The following RPS6KA2 variants were observed in gnomAD, a reference collection of about 807,000 sequenced individuals.
RPS6KA2 encodes the protein ribosomal protein S6 kinase A2, also known as ribosomal protein S6 kinase alpha-2.
RPS6KA2 carries 42 observed loss-of-function variants against 91.8 expected under a neutral mutation model. The observed-to-expected ratio is 0.46, with a 90% confidence interval of 0.36 to 0.59. RPS6KA2 has a LOEUF of 0.59. RPS6KA2 is among the 20% of genes least tolerant of loss of function. The probability of loss-of-function intolerance (pLI) is 0.00; values close to 1 mark genes in which losing one functional copy is unlikely to be tolerated. For synonymous variants in RPS6KA2, 414 were observed against 393.6 expected (o/e 1.05, Z -0.61); for missense variants, 798 against 978.5 (o/e 0.82, Z 2.46).
intron 8 of RPS6KA2, among the ~76,000 whole-genome samples, chr6:166,491,641 T>C (rs1379874239): frequency 6.6e-6 from 1 of 152,240 alleles, no homozygotes; most frequent in Admixed American, 6.5e-5. Flanking sequence ...GAATTCTCTC[T>C]CATCTTTATT....
chr6:166,723,500 G>C (rs1790243044), intron 2 of RPS6KA2, among the ~76,000 whole-genome samples: 1 of 152,190 alleles, frequency 6.6e-6, no homozygotes, highest in Admixed American at 6.5e-5. Context: ...GGGACCCCCA[G>C]TAGTACCAGG....
intron 2 of RPS6KA2, among the ~76,000 whole-genome samples, chr6:166,791,926 A>T (rs1779100551): frequency 6.6e-6 from 1 of 152,102 alleles, no homozygotes; most frequent in Non-Finnish European, 1.5e-5. Context: ...AAGATCTAAA[A>T]TTGACACCCT....
chr6:166,602,982 G>A (rs534854741), intron 1 of RPS6KA2, among the ~76,000 whole-genome samples: 1 of 152,254 alleles, frequency 6.6e-6, no homozygotes. Context: ...AATCTGGAGA[G>A]AGAGAGAGGT....
chr6:166,508,020 T>A lies in RPS6KA2; in HGVS notation c.459+183A>T, dbSNP rs1438472172. Among the ~76,000 whole-genome samples the A allele has an allele frequency of 2.4e-5, 3 of 126,494 alleles. No homozygotes were observed. The highest frequency in any genetic ancestry group is 2.5e-4 in the East Asian group (1 of 4,014). 83.0% of individuals were successfully genotyped at this position (126,494 alleles called of 152,430 possible). A position where few individuals can be genotyped will look rare whatever the true frequency, so the allele number is the denominator to read the frequency against. ...ACACATCATGCACACTTGCACACAC[T>A]CACACATGTACACCTCTCCCACACA... is the stretch of plus-strand genomic sequence containing the variant. On this transcript the variant is annotated intron_variant, in intron 5 of 20. Coordinates refer to ENST00000265678, the MANE Select transcript of RPS6KA2 (RefSeq NM_021135.6). This position sits in a 1 kb window ranked among gnomAD's most constrained non-coding sequence, Gnocchi z 4.3.
intron 2 of RPS6KA2, among the ~76,000 whole-genome samples, chr6:166,659,333 C>G (rs1338208978): frequency 6.6e-6 from 1 of 152,178 alleles, no homozygotes; most frequent in South Asian, 2.1e-4. Context: ...TCTCCCCCAG[C>G]TGTTCCCTGC....
chr6:166,824,821 GTGTC>G (rs1401578645), intron 2 of RPS6KA2, among the ~76,000 whole-genome samples: 1 of 146,148 alleles, frequency 6.8e-6, no homozygotes, highest in African/African-American at 2.5e-5. Flanking sequence ...GTGTCTGTGT[GTGTC>G]TGTGTGTGTG....
chr6:166,448,509 C>A lies in RPS6KA2; in HGVS notation c.1332+215G>T, dbSNP rs760873018. Among the ~76,000 whole-genome samples the A allele has an allele frequency of 2.6e-5, 4 of 152,250 alleles. No homozygotes were observed. Among genetic ancestry groups the A allele is most frequent in the Non-Finnish European group, 5.9e-5 (4 of 68,048 alleles). The stretch of plus-strand genomic sequence containing the variant: ...CAAATGGAGAGAATGTTCACTCAGG[C>A]TCAGGTGTCCCTGCTGGAGTCACTG... On this transcript the variant is annotated intron_variant, in intron 14 of 20. Coordinates refer to ENST00000265678, the MANE Select transcript of RPS6KA2 (RefSeq NM_021135.6). This position sits in a 1 kb window ranked among gnomAD's most constrained non-coding sequence, Gnocchi z 4.7.
intron 2 of RPS6KA2, among the ~76,000 whole-genome samples, chr6:166,744,854 A>G (rs914102724): frequency 6.6e-6 from 1 of 152,020 alleles, no homozygotes. Flanking sequence ...TCCCTTCCTA[A>G]AGCTTAGGGG....
chr6:166,831,333 T>A (rs1427000000), intron 2 of RPS6KA2, among the ~76,000 whole-genome samples: 5 of 152,132 alleles, frequency 3.3e-5, no homozygotes, highest in African/African-American at 4.8e-5. Context: ...CCATCTCTCT[T>A]CTGCTCAGGT....
At chr6:166,817,709 C>CTTTTTTCT (rs1265793000) in intron 2 of RPS6KA2, among the ~76,000 whole-genome samples, 6 of 92,086 alleles carry the variant, frequency 6.5e-5, no homozygotes, top group Non-Finnish European at 1.8e-4. Context: ...GCCAAACCAT[C>CTTTTTTCT]TTTTTTCTTT....
chr6:166,656,785 C>A lies in RPS6KA2; in HGVS notation c.124-118001G>T, dbSNP rs1210352317. ...GGATGGGAAGGGCCCCGATCCCCAG[C>A]CCCTGGCTCAGGTAGGTGCCATCGC... is the stretch of plus-strand genomic sequence containing the variant. On this transcript the variant is annotated intron_variant, in intron 2 of 21. Coordinates refer to the RPS6KA2 transcript ENST00000503859. Among the ~76,000 whole-genome samples the A allele has an allele frequency of 5.3e-5, 8 of 152,322 alleles. No individual in the cohort carries two copies. The East Asian group carries it at 1.2e-3, about 22-fold the overall frequency.
chr6:166,591,213 C>T (rs535338887), intron 1 of RPS6KA2, among the ~76,000 whole-genome samples: 7 of 152,286 alleles, frequency 4.6e-5, no homozygotes, highest in African/African-American at 7.2e-5. Context: ...ACACCCTCCA[C>T]GGGAGGCCCT....
chr6:166,547,164 G>C (rs1413056654), intron 1 of RPS6KA2, among the ~76,000 whole-genome samples: 1 of 152,154 alleles, frequency 6.6e-6, no homozygotes, highest in Non-Finnish European at 1.5e-5. Context: ...GCAGAGGGAC[G>C]CTTGCTGGGG....
In RPS6KA2 at chr6:166,662,085, G is replaced by T. The variant is rs2128557940; in HGVS notation, c.124-123301C>A. Reference sequence around the variant, plus strand: ...AATGGGACAGTATTAAGTGAGTAAAGATAGGGGTTGTTTATCATATTATGA... The same window carrying T: ...AATGGGACAGTATTAAGTGAGTAAATATAGGGGTTGTTTATCATATTATGA... On this transcript the variant is annotated intron_variant, in intron 2 of 21. Coordinates refer to the RPS6KA2 transcript ENST00000503859. The surrounding 1 kb of genome is among the most constrained non-coding windows in gnomAD (Gnocchi z 4.3). Among the ~76,000 whole-genome samples, 1 of 152,352 alleles carries T rather than the reference G, an allele frequency of 6.6e-6. No individual in the cohort carries two copies. Among genetic ancestry groups the T allele is most frequent in the Non-Finnish European group, 1.5e-5 (1 of 68,044 alleles).
At chr6:166,684,968 G>A (rs912398077) in intron 2 of RPS6KA2, among the ~76,000 whole-genome samples, 1 of 152,250 alleles carries the variant, frequency 6.6e-6, no homozygotes, top group African/African-American at 2.4e-5. Flanking sequence ...TTGAGAGAGC[G>A]TGGTACTGGG....
chr6:166,653,207 T>C (rs1787911622), intron 2 of RPS6KA2, among the ~76,000 whole-genome samples: 1 of 152,252 alleles, frequency 6.6e-6, no homozygotes, highest in Non-Finnish European at 1.5e-5. Context: ...ATTACAGGCA[T>C]GTGCCACCAT....
At chr6:166,719,626 T>G (rs1180705497) in intron 2 of RPS6KA2, among the ~76,000 whole-genome samples, 1 of 152,260 alleles carries the variant, frequency 6.6e-6, no homozygotes. Context: ...TAACTCAGTG[T>G]TTGATCATGT....
chr6:166,565,521 G>A (rs1191385901), intron 1 of RPS6KA2, among the ~76,000 whole-genome samples: 1 of 152,228 alleles, frequency 6.6e-6, no homozygotes, highest in Non-Finnish European at 1.5e-5. Context: ...CCACGCTAGG[G>A]AACAGCTGTC....
chr6:166,555,983 T>C (rs1480701629), intron 1 of RPS6KA2, among the ~76,000 whole-genome samples: 2 of 152,122 alleles, frequency 1.3e-5, no homozygotes, highest in East Asian at 1.9e-4. Flanking sequence ...GGGAAAACAG[T>C]TGGGGCAGTG....
Sources: gnomAD v4.1 joint callset for allele counts (sites outside exome capture counted in the v4.1 genomes callset) on GRCh38, gnomAD v4.1.1 for gene constraint, Gnocchi (gnomAD v3.1) non-coding constraint, MANE v1.5 for transcripts, NCBI Gene and HGNC (gene_info 2026-07-23, HGNC 2026-07-21) for gene names.